The following PDE4D variants were observed in gnomAD, a reference collection of about 807,000 sequenced individuals.
The protein encoded by PDE4D is phosphodiesterase 4D, also known as 3',5'-cyclic-AMP phosphodiesterase 4D.
In PDE4D, 24 loss-of-function variants were observed where a neutral mutation model predicts 87.4. The ratio of observed to expected loss-of-function variants is 0.27; its 90% confidence interval spans 0.20 to 0.39. PDE4D has a LOEUF of 0.39. Ranked by LOEUF, PDE4D falls within the 10% of genes least tolerant of loss-of-function variation. The probability of loss-of-function intolerance (pLI) is 1.00; values close to 1 mark genes in which losing one functional copy is unlikely to be tolerated. For missense variants in PDE4D, 714 were observed against 1,041.0 expected, an observed-to-expected ratio of 0.69 and a Z score of 4.32; for synonymous variants, 384 against 383.2, an observed-to-expected ratio of 1.00 and a Z score of -0.02.
intron 1 of PDE4D, among the ~76,000 whole-genome samples, chr5:59,305,947 C>T (rs1248964166): frequency 2.6e-5 from 4 of 152,186 alleles, no homozygotes; most frequent in African/African-American, 9.6e-5. Flanking sequence ...TCTTTGTTGA[C>T]TTTTTGTCTT....
intron 1 of PDE4D, among the ~76,000 whole-genome samples, chr5:59,719,845 C>A (rs1199308550): frequency 5.3e-5 from 8 of 152,164 alleles, no homozygotes; most frequent in Non-Finnish European, 8.8e-5. Flanking sequence ...ATTGGGGATG[C>A]CATCTTTATT....
chr5:59,661,340 C>T (rs1296338807), intron 1 of PDE4D, among the ~76,000 whole-genome samples: 5 of 151,808 alleles, frequency 3.3e-5, no homozygotes, highest in Non-Finnish European at 7.4e-5. Flanking sequence ...AGTTAAGGGG[C>T]GAGACAGGGC....
intron 1 of PDE4D, among the ~76,000 whole-genome samples, chr5:59,818,006 G>A (rs1769191344): frequency 6.6e-6 from 1 of 152,178 alleles, no homozygotes; most frequent in African/African-American, 2.4e-5. Flanking sequence ...GGTGGAGAGA[G>A]ATCAAGAGAG....
chr5:59,041,842 G>C (rs1250126345), intron 5 of PDE4D, among the ~76,000 whole-genome samples: 1 of 152,130 alleles, frequency 6.6e-6, no homozygotes, highest in African/African-American at 2.4e-5. Context: ...TTTTAATGTG[G>C]AAAATAATTC....
At chr5:60,425,284 T>C (rs982087089) in intron 1 of PDE4D, among the ~76,000 whole-genome samples, 2 of 152,152 alleles carry the variant, frequency 1.3e-5, no homozygotes, top group Non-Finnish European at 2.9e-5. Context: ...CTTCAAACTA[T>C]ACTACAAGGC....
chr5:60,408,155 C>T (rs983995187), intron 1 of PDE4D, among the ~76,000 whole-genome samples: 4 of 152,184 alleles, frequency 2.6e-5, no homozygotes, highest in Non-Finnish European at 4.4e-5. Flanking sequence ...CCCTGCCCTT[C>T]AAGTCTGCAC....
At position 59,006,477 on chromosome 5, in the gene PDE4D, G is replaced by A. The variant is rs371419062; in HGVS notation, c.922-13012C>T. ...GATACTACTGAGGTGGGAGGTGGGA[G>A]GTGCTGAGGTGGGAGGATGGCTTGA... On this transcript the variant is annotated intron_variant, in intron 6 of 14. Coordinates refer to ENST00000340635, the MANE Select transcript of PDE4D (RefSeq NM_001104631.2). Among the ~76,000 whole-genome samples, 77 of 152,222 alleles carry A rather than the reference G, an allele frequency of 5.1e-4. 1 individual carries two copies. The highest frequency in any genetic ancestry group is 6.8e-3 in the Middle Eastern group (2 of 294).
chr5:60,206,183 A>G (rs1455552481), intron 1 of PDE4D, among the ~76,000 whole-genome samples: 1 of 152,184 alleles, frequency 6.6e-6, no homozygotes, highest in African/African-American at 2.4e-5. Flanking sequence ...CCCTGATTTG[A>G]AGTCACCTGT....
intron 1 of PDE4D, among the ~76,000 whole-genome samples, chr5:59,625,592 G>C (rs1830809317): frequency 1.3e-5 from 2 of 151,886 alleles, no homozygotes; most frequent in Non-Finnish European, 1.5e-5. Context: ...CAAAACATCT[G>C]GATAATTTAT....
chr5:59,693,728 G>A (rs1751327864), intron 1 of PDE4D, among the ~76,000 whole-genome samples: 1 of 152,092 alleles, frequency 6.6e-6, no homozygotes, highest in African/African-American at 2.4e-5. Context: ...TGTTGAATAC[G>A]AATGACTGAA....
intron 1 of PDE4D, among the ~76,000 whole-genome samples, chr5:59,594,556 G>A (rs1826397121): frequency 6.6e-6 from 1 of 151,962 alleles, no homozygotes; most frequent in Non-Finnish European, 1.5e-5. Flanking sequence ...CCTGACCTCA[G>A]GTGATCCACC....
chr5:60,200,232 T>C (rs1361649240), intron 1 of PDE4D, among the ~76,000 whole-genome samples: 1 of 151,638 alleles, frequency 6.6e-6, no homozygotes, highest in East Asian at 1.9e-4. Flanking sequence ...AATTTGCAGA[T>C]GAAGAAATCA....
intron 1 of PDE4D, among the ~76,000 whole-genome samples, chr5:59,576,495 A>G (rs1258571687): frequency 6.6e-6 from 1 of 152,180 alleles, no homozygotes; most frequent in East Asian, 1.9e-4. Context: ...CCCTGACAAT[A>G]TAATTTTTAT....
intron 1 of PDE4D, among the ~76,000 whole-genome samples, chr5:59,427,010 C>CAT (rs1200132052): frequency 2.0e-5 from 1 of 48,826 alleles, no homozygotes; most frequent in Non-Finnish European, 3.7e-5. Flanking sequence ...CACACACACA[C>CAT]ACACACACAC....
At chr5:60,016,748 A>C (rs1765558953) in intron 2 of PDE4D, among the ~76,000 whole-genome samples, 1 of 152,174 alleles carries the variant, frequency 6.6e-6, no homozygotes, top group African/African-American at 2.4e-5. Context: ...GCAGCAATTC[A>C]GCCACTTCTG....
At chr5:59,609,049 G>C (rs551308610) in intron 1 of PDE4D, among the ~76,000 whole-genome samples, 10 of 152,220 alleles carry the variant, frequency 6.6e-5, no homozygotes, top group African/African-American at 2.4e-4. Context: ...TGTAGCCCAA[G>C]CCAACAACTC....
At chr5:59,023,672 C>CA (rs1310578445) in intron 6 of PDE4D, among the ~76,000 whole-genome samples, 1 of 151,650 alleles carries the variant, frequency 6.6e-6, no homozygotes, top group East Asian at 2.0e-4. Context: ...CAAAACAAAA[C>CA]AAAAAACGTT....
intron 1 of PDE4D, among the ~76,000 whole-genome samples, chr5:59,501,411 G>T (rs1194573787): frequency 1.3e-5 from 2 of 152,188 alleles, no homozygotes; most frequent in Admixed American, 6.5e-5. Context: ...TAAGGAGCTT[G>T]CAACTTTTGG....
chr5:60,304,506 G>A (rs1364789940), intron 1 of PDE4D, among the ~76,000 whole-genome samples: 2 of 151,270 alleles, frequency 1.3e-5, no homozygotes, highest in African/African-American at 2.4e-5. Flanking sequence ...TTAGCCGGGC[G>A]CGGTGGCGGG....
Sources: gnomAD v4.1 joint callset for allele counts (sites outside exome capture counted in the v4.1 genomes callset) on GRCh38, gnomAD v4.1.1 for gene constraint, MANE v1.5 for transcripts, NCBI Gene and HGNC (gene_info 2026-07-23, HGNC 2026-07-21) for gene names.